The following PPP1R17 variants were observed in gnomAD, a reference collection of about 807,000 sequenced individuals.
The protein encoded by PPP1R17 is protein phosphatase 1 regulatory subunit 17, also known as G-substrate.
In PPP1R17, 12 loss-of-function variants were observed where a neutral mutation model predicts 15.9. The observed-to-expected ratio is 0.75, with a 90% CI of 0.48 to 1.22. PPP1R17 has a LOEUF of 1.22. PPP1R17 is among the 50% of genes most tolerant of loss of function. PPP1R17 has a pLI of 0.00. For synonymous variants in PPP1R17, 63 were observed against 64.5 expected, an observed-to-expected ratio of 0.98 and a Z score of 0.11; for missense variants, 211 against 187.3, an observed-to-expected ratio of 1.13 and a Z score of -0.74.
intron 4 of PPP1R17, among the ~76,000 whole-genome samples, chr7:31,700,835 A>AT (rs1792817381): frequency 6.6e-6 from 1 of 152,178 alleles, no homozygotes; most frequent in Non-Finnish European, 1.5e-5. Flanking sequence ...CAAAGCCTGG[A>AT]TAAAGGCATA....
chr7:31,705,471 CCACT>C (rs35695580), intron 4 of PPP1R17, among the ~76,000 whole-genome samples: 20,154 of 152,102 alleles, frequency 0.13, 1,526 homozygotes, highest in East Asian at 0.36. Context: ...GAAATATCTC[CCACT>C]GTGTTTCATA....
intron 4 of PPP1R17, among the ~76,000 whole-genome samples, chr7:31,699,262 A>G (rs1792742925): frequency 6.6e-6 from 1 of 151,990 alleles, no homozygotes; most frequent in African/African-American, 2.4e-5. Context: ...CTCATTTAAC[A>G]CTGAGTCAAC....
intron 4 of PPP1R17, among the ~76,000 whole-genome samples, chr7:31,698,371 A>G (rs1437012207): frequency 6.6e-6 from 1 of 151,992 alleles, no homozygotes; most frequent in African/African-American, 2.4e-5. Context: ...CCCACTTCCA[A>G]TTACCTCTAT....
At chr7:31,697,414 G>T (rs1792641269) in intron 4 of PPP1R17, among the ~76,000 whole-genome samples, 1 of 152,188 alleles carries the variant, frequency 6.6e-6, no homozygotes, top group Admixed American at 6.5e-5. Flanking sequence ...AGAAGAGCTG[G>T]AATGCCCTCC....
intron 1 of PPP1R17, among the ~76,000 whole-genome samples, chr7:31,691,643 G>A (rs986667440): frequency 1.3e-4 from 19 of 151,816 alleles, no homozygotes; most frequent in South Asian, 4.2e-4. Context: ...GGGTGGGGAC[G>A]GGGACAGATT....
In PPP1R17 at chr7:31,697,014, T is replaced by A. The variant is rs1562699250; in HGVS notation, c.285T>A (p.His95Gln). ...LIKRYDVQER[H>Q]PKGKMIPVLH... ...AAAGATACGATGTTCAAGAGAGACA[T>A]CCAAAGGGCAAAATGATCCCTGTTC... is the stretch of plus-strand genomic sequence containing the variant. Residue 95 changes from histidine (H) to glutamine (Q), a missense_variant, in exon 4 of 5, where the codon CAT (histidine) becomes CAA (glutamine). His to Gln is a conservative substitution (Grantham distance 24). Coordinates refer to ENST00000342032, the MANE Select transcript of PPP1R17 (RefSeq NM_006658.5). 1.2e-6 allele frequency: 2 copies of A among 1,614,134 alleles called. No homozygotes were observed. Among genetic ancestry groups the A allele is most frequent in the Non-Finnish European group, 1.7e-6 (2 of 1,180,006 alleles).
At chr7:31,705,319 T>C (rs1450786548) in intron 4 of PPP1R17, among the ~76,000 whole-genome samples, 1 of 152,182 alleles carries the variant, frequency 6.6e-6, no homozygotes, top group African/African-American at 2.4e-5. Context: ...TTGAATCAAC[T>C]CAATTTTGGC....
At chr7:31,692,364 A>G (rs1792392490) in intron 1 of PPP1R17, 42 bp from the exon 2 acceptor site, 1 of 1,177,202 alleles carries the variant, frequency 8.5e-7, no homozygotes, top group African/African-American at 1.5e-5. Context: ...ATGAATGAAT[A>G]AACAGAGCCA....
At chr7:31,698,315 G>C (rs1010413714) in intron 4 of PPP1R17, among the ~76,000 whole-genome samples, 1 of 152,198 alleles carries the variant, frequency 6.6e-6, no homozygotes, top group African/African-American at 2.4e-5. Context: ...CATGGGATTT[G>C]TGTTCTCTGC....
chr7:31,707,220 G>A lies in PPP1R17; in HGVS notation c.405G>A (p.Arg135=), dbSNP rs757999553. 20 of 1,613,902 alleles carry A rather than the reference G, an allele frequency of 1.2e-5. No homozygotes were observed. Among genetic ancestry groups the A allele is most frequent in the Non-Finnish European group, 1.7e-5 (20 of 1,179,880 alleles). ...GTTTTGCAGGTGTGACATTGCTCAGGGACGAGAGACCCAAAGCAATCGTGG... is the reference window on the plus strand; with the variant it reads ...GTTTTGCAGGTGTGACATTGCTCAGAGACGAGAGACCCAAAGCAATCGTGG... The part of the protein sequence containing the change: ...SPFAAGVTLL[R]DERPKAIVED... The change falls in exon 5 of 5, where the codon AGG becomes AGA. Residue 135 remains arginine (R), a synonymous_variant. Transcript: ENST00000342032.
At chr7:31,689,057 G>A (rs1792225965) in intron 1 of PPP1R17, among the ~76,000 whole-genome samples, 1 of 152,138 alleles carries the variant, frequency 6.6e-6, no homozygotes, top group African/African-American at 2.4e-5. Flanking sequence ...TGTGACTGCT[G>A]GTGCTCCTTG....
chr7:31,697,150 G>A (rs1562699440), intron 4 of PPP1R17, 33 bp downstream of exon 4: 1 of 1,610,904 alleles, frequency 6.2e-7, no homozygotes, highest in East Asian at 2.2e-5. Context: ...TTTGCAGGGG[G>A]TGATGGGGAC....
intron 2 of PPP1R17, 92 bp downstream of exon 2, chr7:31,692,615 A>G (rs1408460464): frequency 1.7e-6 from 2 of 1,153,810 alleles, no homozygotes; most frequent in Non-Finnish European, 2.6e-6. Context: ...GAGAGAGGGC[A>G]CCCCCCGAAA....
Position 31,695,564 on chromosome 7 carries a change from CA to C in PPP1R17, c.186del (p.Lys62AsnfsTer24), listed in dbSNP as rs546054902. The C allele has an allele frequency of 1.3e-4, 203 of 1,611,916 alleles. No homozygotes were observed. The highest frequency in any genetic ancestry group is 5.2e-4 in the Admixed American group (31 of 59,754). On this transcript the variant is annotated frameshift_variant, in exon 3 of 5. Coordinates refer to ENST00000342032, the MANE Select transcript of PPP1R17 (RefSeq NM_006658.5). LOFTEE classifies it high-confidence loss of function. ...GGCCACCCTGAATGTTGAGTCAGAC[CA>C]AAAAAAACCAAGGAGGAAAGATACA... The part of the protein sequence containing the change: ...VQATLNVESD[Q>X]KKPRRKDTPA...
chr7:31,687,819 C>T (rs1167828826), intron 1 of PPP1R17, among the ~76,000 whole-genome samples: 3 of 152,162 alleles, frequency 2.0e-5, no homozygotes, highest in African/African-American at 2.4e-5. Flanking sequence ...TAACGAGATA[C>T]CACATAGGCT....
At chr7:31,692,626 C>A in intron 2 of PPP1R17, 103 bp downstream of exon 2, 2 of 1,076,580 alleles carry the variant, frequency 1.9e-6, no homozygotes, top group Non-Finnish European at 2.8e-6. Flanking sequence ...CCCCCCGAAA[C>A]CTGATAGTCT....
intron 4 of PPP1R17, 53 bp from the exon 5 acceptor site, chr7:31,707,151 C>T: frequency 6.5e-7 from 1 of 1,527,658 alleles, no homozygotes; most frequent in Admixed American, 1.7e-5. Context: ...TGCAACGTTG[C>T]CTAATGTTTT....
intron 2 of PPP1R17, among the ~76,000 whole-genome samples, chr7:31,693,470 T>TA (rs1792443115): frequency 1.3e-5 from 2 of 152,350 alleles, no homozygotes; most frequent in South Asian, 4.1e-4. Flanking sequence ...AGGCTGGGTT[T>TA]AATCCTGATA....
chr7:31,701,743 G>A (rs987260473), intron 4 of PPP1R17, among the ~76,000 whole-genome samples: 4 of 152,224 alleles, frequency 2.6e-5, no homozygotes, highest in Admixed American at 1.3e-4. Context: ...GTCAGCAGCC[G>A]TCAACATTGA....
Sources: allele counts gnomAD v4.1 joint callset (sites outside exome capture counted in the v4.1 genomes callset), GRCh38; gene constraint gnomAD v4.1.1; transcripts MANE v1.5; gene names NCBI Gene and HGNC (gene_info 2026-07-23, HGNC 2026-07-21).